Variants in SPIRE1 observed in about 807,000 individuals in gnomAD.
SPIRE1 encodes protein spire homolog 1.
SPIRE1 carries 40 observed loss-of-function variants against 94.1 expected under a neutral mutation model. The observed-to-expected ratio is 0.43, with a 90% confidence interval of 0.33 to 0.55. The LOEUF (loss-of-function observed/expected upper bound fraction) is 0.55. Among genes scored for constraint, SPIRE1 ranks in the 20% least tolerant of loss-of-function variants. SPIRE1 has a pLI of 0.06. For synonymous variants in SPIRE1, 376 were observed against 371.7 expected (o/e 1.01, Z -0.13); for missense variants, 838 against 975.2 (o/e 0.86, Z 1.87).
intron 2 of SPIRE1, 135 bp from the exon 3 acceptor site, chr18:12,547,039 C>A (rs138209211): frequency 4.1e-5 from 24 of 587,644 alleles, no homozygotes; most frequent in African/African-American, 2.4e-4. Context: ...TTTTTATATT[C>A]TCTTAGATTT....
At chr18:12,547,963 G>T (rs1167359450) in intron 2 of SPIRE1, among the ~76,000 whole-genome samples, 1 of 152,236 alleles carries the variant, frequency 6.6e-6, no homozygotes, top group East Asian at 1.9e-4. Context: ...AACAGGCAAT[G>T]AAGCCAAAGA....
chr18:12,616,315 G>A (rs1463491422), intron 2 of SPIRE1, among the ~76,000 whole-genome samples: 1 of 152,176 alleles, frequency 6.6e-6, no homozygotes, highest in Non-Finnish European at 1.5e-5. Context: ...GAAAAAGAAG[G>A]CCATAAGCCA....
In SPIRE1 at chr18:12,657,619, C is replaced by A; in HGVS notation, c.248G>T (p.Arg83Leu). The change falls in exon 1 of 17, where the codon CGC becomes CTC. Residue 83 changes from arginine (R) to leucine (L), a missense_variant. Physicochemically the swap from Arg to Leu is moderately radical, Grantham distance 102. Coordinates refer to ENST00000409402, the MANE Select transcript of SPIRE1 (RefSeq NM_001128626.2). ...CCAGACGCGGATCTGCGCGGCCGAG[C>A]GCACACGGTGGCGGGGCTGGCGGCG... is the stretch of plus-strand genomic sequence containing the variant. ...ARRRQPRHRV[R>L]SAAQIRVWRD... The A allele has an allele frequency of 7.7e-7, 1 of 1,298,864 alleles. No homozygotes were observed. Among genetic ancestry groups the A allele is most frequent in the Non-Finnish European group, 9.7e-7 (1 of 1,025,714 alleles). The allele number at this position is 1,298,864 out of a possible 1,614,324, so 80.5% of individuals were successfully genotyped here. A position where few individuals can be genotyped will look rare whatever the true frequency, so the allele number is the denominator to read the frequency against.
At chr18:12,610,771 C>G (rs901738366) in intron 2 of SPIRE1, among the ~76,000 whole-genome samples, 1 of 152,170 alleles carries the variant, frequency 6.6e-6, no homozygotes, top group Non-Finnish European at 1.5e-5. Context: ...CTCTTCTTCC[C>G]TCCTGAAACC....
chr18:12,553,394 G>A (rs2035413195), intron 2 of SPIRE1, among the ~76,000 whole-genome samples: 1 of 151,610 alleles, frequency 6.6e-6, no homozygotes, highest in South Asian at 2.1e-4. Context: ...ACTAAAAACT[G>A]ACTGGAAAGG....
intron 1 of SPIRE1, among the ~76,000 whole-genome samples, chr18:12,639,919 C>G (rs1270651505): frequency 6.7e-6 from 1 of 150,052 alleles, no homozygotes; most frequent in Non-Finnish European, 1.5e-5. Context: ...TCCCAGGAAA[C>G]AGAAAAGCCT....
chr18:12,561,367 T>A (rs2035680036), intron 2 of SPIRE1, among the ~76,000 whole-genome samples: 1 of 151,962 alleles, frequency 6.6e-6, no homozygotes, highest in African/African-American at 2.4e-5. Context: ...CCTCCCAGGT[T>A]CAGGCGATTC....
chr18:12,633,976 C>A (rs980257260), intron 2 of SPIRE1, among the ~76,000 whole-genome samples: 8 of 152,174 alleles, frequency 5.3e-5, no homozygotes, highest in African/African-American at 1.9e-4. Context: ...AGGCCAGGCA[C>A]AGTGGCTCAT....
intron 2 of SPIRE1, among the ~76,000 whole-genome samples, chr18:12,616,112 A>T (rs1286107402): frequency 6.6e-6 from 1 of 152,188 alleles, no homozygotes; most frequent in Non-Finnish European, 1.5e-5. Flanking sequence ...AGTCTCCTTC[A>T]ATTCTTTTGC....
intron 2 of SPIRE1, among the ~76,000 whole-genome samples, chr18:12,596,923 C>T (rs1455746301): frequency 6.8e-6 from 1 of 146,864 alleles, no homozygotes; most frequent in Non-Finnish European, 1.5e-5. Context: ...TTCACCTGCA[C>T]TGTCCTGCTA....
intron 4 of SPIRE1, among the ~76,000 whole-genome samples, chr18:12,527,407 G>C (rs889121224): frequency 6.6e-6 from 1 of 152,154 alleles, no homozygotes; most frequent in African/African-American, 2.4e-5. Flanking sequence ...AAGGATTAAA[G>C]TACTAACATA....
chr18:12,542,734 G>A (rs911792664), intron 3 of SPIRE1, among the ~76,000 whole-genome samples: 3 of 152,078 alleles, frequency 2.0e-5, no homozygotes, highest in Admixed American at 6.5e-5. Flanking sequence ...CTAACTCCAC[G>A]CTACTGTTAT....
At chr18:12,463,551 T>C (rs1324555600) in intron 11 of SPIRE1, 58 bp from the exon 12 acceptor site, 4 of 1,396,554 alleles carry the variant, frequency 2.9e-6, no homozygotes, top group Middle Eastern at 2.2e-4. Context: ...ACAAAACCTT[T>C]TGACATTTGT....
At chr18:12,651,045 T>A (rs115838413) in intron 1 of SPIRE1, among the ~76,000 whole-genome samples, 1 of 152,304 alleles carries the variant, frequency 6.6e-6, no homozygotes, top group African/African-American at 2.4e-5. Flanking sequence ...CATGGTAAAT[T>A]CACCACTGTG....
intron 6 of SPIRE1, among the ~76,000 whole-genome samples, chr18:12,502,617 A>T (rs2033700926): frequency 6.6e-6 from 1 of 152,230 alleles, no homozygotes; most frequent in Non-Finnish European, 1.5e-5. Flanking sequence ...TATACATTAT[A>T]AAAGAAGCAA....
chr18:12,456,120 G>C (rs1045946949), intron 12 of SPIRE1, among the ~76,000 whole-genome samples: 2 of 152,174 alleles, frequency 1.3e-5, no homozygotes, highest in Non-Finnish European at 2.9e-5. Flanking sequence ...ACAGGGGGAT[G>C]AGTTTACTCA....
intron 2 of SPIRE1, among the ~76,000 whole-genome samples, chr18:12,626,460 G>A (rs2037629186): frequency 6.6e-6 from 1 of 152,162 alleles, no homozygotes; most frequent in Non-Finnish European, 1.5e-5. Flanking sequence ...TCATCTAAGA[G>A]GTTGAAGGTT....
At chr18:12,563,647 T>C (rs2035746157) in intron 2 of SPIRE1, among the ~76,000 whole-genome samples, 1 of 152,232 alleles carries the variant, frequency 6.6e-6, no homozygotes, top group African/African-American at 2.4e-5. Flanking sequence ...GTATTGTCCT[T>C]TTCCATGTTA....
At chr18:12,617,918 G>A (rs1000062690) in intron 2 of SPIRE1, among the ~76,000 whole-genome samples, 2 of 152,084 alleles carry the variant, frequency 1.3e-5, no homozygotes, top group Non-Finnish European at 1.5e-5. Context: ...GGACAGAACC[G>A]TGTTGCCTAT....
Sources: gnomAD v4.1 joint callset for allele counts (sites outside exome capture counted in the v4.1 genomes callset) on GRCh38, gnomAD v4.1.1 for gene constraint, MANE v1.5 for transcripts, NCBI Gene and HGNC (gene_info 2026-07-23, HGNC 2026-07-21) for gene names.